Variants in ERO1A observed in about 807,000 individuals in gnomAD.
ERO1A encodes ERO1-like protein alpha.
In ERO1A, 49 loss-of-function variants were observed where a neutral mutation model predicts 76.9. The observed-to-expected ratio is 0.64, with a 90% CI of 0.51 to 0.81. ERO1A has a LOEUF of 0.81. ERO1A is among the 30% of genes least tolerant of loss of function. ERO1A has a pLI of 0.00. For missense variants in ERO1A, 448 were observed against 542.1 expected (o/e 0.83, Z 1.72); for synonymous variants, 174 against 181.2 (o/e 0.96, Z 0.32).
Position 52,643,441 on chromosome 14 carries a change from T to C in ERO1A, c.*129A>G. 1.8e-6 allele frequency: 1 copy of C among 559,868 alleles called. No individual in the cohort carries two copies. Among genetic ancestry groups the C allele is most frequent in the East Asian group, 3.5e-5 (1 of 28,884 alleles). 34.7% of individuals were successfully genotyped at this position (559,868 alleles called of 1,614,324 possible). ...AATGTGTTTACTTAAAACAATATAA[T>C]TCTCCTTTACAAAAGCAACTTTATA... On this transcript the variant is annotated 3_prime_UTR_variant, in exon 16 of 16. Transcript: ENST00000395686.
intron 3 of ERO1A, among the ~76,000 whole-genome samples, chr14:52,681,369 A>C (rs943669767): frequency 2.6e-5 from 4 of 151,918 alleles, no homozygotes; most frequent in African/African-American, 9.7e-5. Context: ...TGAGGCAGGC[A>C]GATCACCTGA....
intron 1 of ERO1A, among the ~76,000 whole-genome samples, chr14:52,688,113 G>T (rs2041237295): frequency 1.3e-5 from 2 of 152,066 alleles, no homozygotes; most frequent in South Asian, 4.1e-4. Flanking sequence ...TTGAGCCAGG[G>T]AGGTTGAGGC....
chr14:52,653,588 A>G (rs1162812353), intron 11 of ERO1A, among the ~76,000 whole-genome samples: 1 of 151,884 alleles, frequency 6.6e-6, no homozygotes, highest in African/African-American at 2.4e-5. Context: ...GCAGGTGCAT[A>G]GTATCTGCTT....
intron 4 of ERO1A, among the ~76,000 whole-genome samples, chr14:52,677,547 C>G (rs996715477): frequency 6.6e-6 from 1 of 151,936 alleles, no homozygotes; most frequent in Non-Finnish European, 1.5e-5. Flanking sequence ...GATCCTAGAA[C>G]AGGTAAAGGA....
intron 13 of ERO1A, 113 bp from the exon 14 acceptor site, chr14:52,646,574 A>C: frequency 1.5e-6 from 1 of 688,666 alleles, no homozygotes. Flanking sequence ...GGGGTACCAA[A>C]AATGAGAACA....
intron 11 of ERO1A, among the ~76,000 whole-genome samples, chr14:52,656,779 G>A (rs933288027): frequency 1.1e-4 from 16 of 151,578 alleles, no homozygotes; most frequent in Non-Finnish European, 1.8e-4. Context: ...TCAAAGTTAC[G>A]GCTAGGCACA....
At chr14:52,683,642 A>G in intron 2 of ERO1A, 146 bp downstream of exon 2, 2 of 394,610 alleles carry the variant, frequency 5.1e-6, no homozygotes, top group African/African-American at 2.1e-5. Context: ...TCAGAATCAC[A>G]TGCTTCACTC....
chr14:52,646,969 G>GTTTTTT (rs1566633921), intron 13 of ERO1A: 1 of 110,712 alleles, frequency 9.0e-6, no homozygotes, highest in Non-Finnish European at 1.8e-5. Flanking sequence ...AAATCCTTTG[G>GTTTTTT]TTTCTTTTTT....
At position 52,645,847 on chromosome 14, in the gene ERO1A, T is replaced by TAC. The variant is rs113770296; in HGVS notation, c.1346+305_1346+306dup. 4.3e-3 allele frequency among the ~76,000 whole-genome samples: 621 copies of TAC among 145,226 alleles called. 3 individuals are homozygous for TAC. The highest frequency in any genetic ancestry group is 0.011 in the African/African-American group (431 of 39,446). The stretch of plus-strand genomic sequence containing the variant: ...GGTGAAACCGTGTTTCTACTAAAAA[T>TAC]ACACACACACACACACACACACACA... On this transcript the variant is annotated intron_variant, in intron 15 of 15. Transcript: ENST00000395686.
At chr14:52,645,302 C>CTTTT (rs35036293) in intron 15 of ERO1A, among the ~76,000 whole-genome samples, 1 of 130,392 alleles carries the variant, frequency 7.7e-6, no homozygotes, top group African/African-American at 2.9e-5. Flanking sequence ...CATATACACA[C>CTTTT]TTTTTTTTTT....
At chr14:52,648,016 G>C (rs2139630798) in intron 13 of ERO1A, among the ~76,000 whole-genome samples, 1 of 152,236 alleles carries the variant, frequency 6.6e-6, no homozygotes, top group East Asian at 1.9e-4. Flanking sequence ...TTCCCAACAT[G>C]CTTTATTCAG....
chr14:52,691,822 G>A (rs938628103), intron 1 of ERO1A, among the ~76,000 whole-genome samples: 4 of 152,162 alleles, frequency 2.6e-5, no homozygotes, highest in Admixed American at 2.0e-4. Flanking sequence ...TACAAACATC[G>A]TGAGCCACCA....
At chr14:52,660,570 C>A (rs2040198416) in intron 9 of ERO1A, among the ~76,000 whole-genome samples, 1 of 151,956 alleles carries the variant, frequency 6.6e-6, no homozygotes, top group African/African-American at 2.4e-5. Flanking sequence ...ATATAAAGCA[C>A]AATAATAAAA....
chr14:52,679,085 T>C (rs2040899394), intron 3 of ERO1A, among the ~76,000 whole-genome samples: 3 of 152,164 alleles, frequency 2.0e-5, no homozygotes, highest in Non-Finnish European at 4.4e-5. Flanking sequence ...CTTTTTGCCT[T>C]CTGCCATGAT....
chr14:52,678,404 C>G, intron 4 of ERO1A, 30 bp downstream of exon 4: 1 of 1,595,626 alleles, frequency 6.3e-7, no homozygotes, highest in Non-Finnish European at 8.6e-7. Context: ...CATTAAGATA[C>G]TGGACACATC....
At chr14:52,673,114 G>T (rs2040664956) in intron 4 of ERO1A, among the ~76,000 whole-genome samples, 1 of 151,626 alleles carries the variant, frequency 6.6e-6, no homozygotes, top group South Asian at 2.1e-4. Context: ...CTTTGAGAAA[G>T]GGTCTCGCTC....
At chr14:52,684,241 C>T (rs1225633532) in intron 1 of ERO1A, among the ~76,000 whole-genome samples, 3 of 151,918 alleles carry the variant, frequency 2.0e-5, no homozygotes, top group Admixed American at 6.6e-5. Flanking sequence ...CCAACTCAAA[C>T]CAGGTCATGG....
intron 12 of ERO1A, 81 bp from the exon 13 acceptor site, chr14:52,652,389 T>C: frequency 2.2e-6 from 2 of 927,934 alleles, no homozygotes; most frequent in Non-Finnish European, 1.7e-6. Context: ...TTACTGGTCA[T>C]GATAAATAAA....
chr14:52,645,491 T>C (rs1448136345), intron 15 of ERO1A, among the ~76,000 whole-genome samples: 4 of 151,200 alleles, frequency 2.6e-5, no homozygotes, highest in Admixed American at 2.0e-4. Flanking sequence ...TTTAGTAGAG[T>C]TGGCCAGGCT....
Sources: gnomAD v4.1 joint callset for allele counts (sites outside exome capture counted in the v4.1 genomes callset) on GRCh38, gnomAD v4.1.1 for gene constraint, MANE v1.5 for transcripts, NCBI Gene and HGNC (gene_info 2026-07-23, HGNC 2026-07-21) for gene names.